Variants in WDR70 observed in about 807,000 individuals in gnomAD.
WDR70 encodes the protein WD repeat-containing protein 70.
Under a neutral mutation model 88.6 loss-of-function variants are expected in WDR70, and 53 were observed. The observed-to-expected ratio is 0.60, with a 90% CI of 0.48 to 0.75. WDR70 has a LOEUF of 0.75. WDR70 is among the 30% of genes least tolerant of loss of function. WDR70 has a pLI of 0.00. For synonymous variants in WDR70, 280 were observed against 270.0 expected, an observed-to-expected ratio of 1.04 and a Z score of -0.36; for missense variants, 610 against 823.2, an observed-to-expected ratio of 0.74 and a Z score of 3.17.
At chr5:37,679,061 G>A (rs533707888) in intron 10 of WDR70, among the ~76,000 whole-genome samples, 5 of 152,174 alleles carry the variant, frequency 3.3e-5, no homozygotes, top group South Asian at 2.1e-4. Flanking sequence ...CGTAGTTCTC[G>A]AGCCTTGGCT....
chr5:37,726,473 A>G (rs975027774), intron 16 of WDR70, among the ~76,000 whole-genome samples: 2 of 152,188 alleles, frequency 1.3e-5, no homozygotes, highest in African/African-American at 4.8e-5. Flanking sequence ...TATAATACTC[A>G]GCAAAGTACC....
intron 13 of WDR70, among the ~76,000 whole-genome samples, chr5:37,708,650 T>A (rs1241744692): frequency 6.6e-6 from 1 of 152,210 alleles, no homozygotes; most frequent in Non-Finnish European, 1.5e-5. Context: ...AGACCCTTTA[T>A]GAACCTAGCT....
At chr5:37,393,704 A>G (rs1407831474) in intron 4 of WDR70, among the ~76,000 whole-genome samples, 1 of 151,934 alleles carries the variant, frequency 6.6e-6, no homozygotes, top group Non-Finnish European at 1.5e-5. Context: ...TTTTTGAGAC[A>G]GGGTTTCACT....
At chr5:37,722,678 T>C in intron 14 of WDR70, 177 bp from the exon 15 acceptor site, 1 of 600,074 alleles carries the variant, frequency 1.7e-6, no homozygotes, top group Non-Finnish European at 2.9e-6. Context: ...TGCTTTTCCA[T>C]AAGTTTAAGC....
rs751610196 is a variant in WDR70, at chr5:37,605,193, T to C, written c.1047T>C (p.Ala349=). The C allele has an allele frequency of 6.2e-5, 100 of 1,612,438 alleles. No individual in the cohort carries two copies. The highest frequency in any genetic ancestry group is 8.1e-5 in the Non-Finnish European group (95 of 1,179,214). Residue 349 remains alanine, a synonymous_variant, in exon 10 of 18, where the codon GCT becomes GCC. Coordinates refer to ENST00000265107, the MANE Select transcript of WDR70 (RefSeq NM_018034.4). ...GTAGAGATGGAAACCTCATAGCAGC[T>C]GCCTGCCAGAATGGAAGCATACAGA... is the stretch of plus-strand genomic sequence containing the variant. The part of the protein sequence containing the change: ...TYSRDGNLIA[A]ACQNGSIQIW...
chr5:37,625,454 A>C (rs887292406), intron 10 of WDR70, among the ~76,000 whole-genome samples: 13 of 151,938 alleles, frequency 8.6e-5, no homozygotes, highest in Non-Finnish European at 1.6e-4. Flanking sequence ...ATTTTTTCTT[A>C]TACATGTTGA....
At chr5:37,555,296 A>G (rs1401032327) in intron 9 of WDR70, among the ~76,000 whole-genome samples, 1 of 152,238 alleles carries the variant, frequency 6.6e-6, no homozygotes, top group Non-Finnish European at 1.5e-5. Flanking sequence ...TATAAGCATT[A>G]AATGAATTCT....
chr5:37,576,036 T>C (rs1304611638), intron 9 of WDR70, among the ~76,000 whole-genome samples: 3 of 151,496 alleles, frequency 2.0e-5, no homozygotes, highest in Non-Finnish European at 2.9e-5. Flanking sequence ...ATTTCCTTCC[T>C]TCCTTCCTTC....
At chr5:37,542,437 G>A (rs1741853608) in intron 9 of WDR70, among the ~76,000 whole-genome samples, 1 of 151,838 alleles carries the variant, frequency 6.6e-6, no homozygotes, top group African/African-American at 2.4e-5. Context: ...GCACCACCAT[G>A]CCCGGCTAAT....
intron 9 of WDR70, among the ~76,000 whole-genome samples, chr5:37,549,474 A>G (rs569049444): frequency 9.2e-5 from 14 of 152,128 alleles, no homozygotes; most frequent in African/African-American, 2.4e-4. Context: ...TGATTTTTTT[A>G]TGTTGATTTT....
intron 7 of WDR70, among the ~76,000 whole-genome samples, chr5:37,449,419 C>T (rs1738594320): frequency 6.6e-6 from 1 of 151,868 alleles, no homozygotes; most frequent in African/African-American, 2.4e-5. Context: ...TGGTGAAACC[C>T]CGTCTGTACT....
At chr5:37,589,261 C>T (rs1201621711) in intron 9 of WDR70, among the ~76,000 whole-genome samples, 4 of 150,080 alleles carry the variant, frequency 2.7e-5, no homozygotes, top group African/African-American at 9.8e-5. Context: ...CACACACACA[C>T]ACACACACAC....
chr5:37,404,505 C>T (rs892919493), intron 5 of WDR70, among the ~76,000 whole-genome samples: 7 of 152,124 alleles, frequency 4.6e-5, no homozygotes, highest in Admixed American at 3.3e-4. Context: ...ATGTTAATGT[C>T]TCTGAAGCAT....
At chr5:37,628,555 G>A (rs1055368660) in intron 10 of WDR70, among the ~76,000 whole-genome samples, 11 of 152,086 alleles carry the variant, frequency 7.2e-5, no homozygotes, top group African/African-American at 2.7e-4. Flanking sequence ...ATTTTCATGT[G>A]CATGTAATAC....
intron 17 of WDR70, among the ~76,000 whole-genome samples, chr5:37,745,589 C>T (rs1445092562): frequency 6.8e-6 from 1 of 147,678 alleles, no homozygotes; most frequent in African/African-American, 2.6e-5. Context: ...GAAAATCTAC[C>T]AAGTAAATGG....
chr5:37,556,152 T>C (rs928479826), intron 9 of WDR70, among the ~76,000 whole-genome samples: 1 of 124,718 alleles, frequency 8.0e-6, no homozygotes. Context: ...TTTTTTTTTT[T>C]TTCAAAAAGC....
intron 7 of WDR70, among the ~76,000 whole-genome samples, chr5:37,462,529 C>T (rs1440518172): frequency 1.3e-5 from 2 of 152,128 alleles, no homozygotes; most frequent in East Asian, 3.9e-4. Context: ...GTCTCGATCG[C>T]CTGACCTTGT....
intron 5 of WDR70, among the ~76,000 whole-genome samples, chr5:37,430,647 G>A (rs558439452): frequency 6.6e-6 from 1 of 151,596 alleles, no homozygotes; most frequent in Non-Finnish European, 1.5e-5. Context: ...TGCAACCTCC[G>A]CTTCCTGGGT....
At chr5:37,437,139 T>G (rs892532011) in intron 5 of WDR70, among the ~76,000 whole-genome samples, 1 of 152,178 alleles carries the variant, frequency 6.6e-6, no homozygotes. Flanking sequence ...ATGCTTCTTG[T>G]GTGGGAGGGA....
Sources: allele counts gnomAD v4.1 joint callset (sites outside exome capture counted in the v4.1 genomes callset), GRCh38; gene constraint gnomAD v4.1.1; transcripts MANE v1.5; gene names NCBI Gene and HGNC (gene_info 2026-07-23, HGNC 2026-07-21).